The following SBF2 variants were observed in gnomAD, a reference collection of about 807,000 sequenced individuals.
The protein encoded by SBF2 is SET binding factor 2.
In SBF2, 112 loss-of-function variants were observed where a neutral mutation model predicts 225.2. The observed-to-expected ratio is 0.50, with a 90% CI of 0.43 to 0.58. SBF2 has a LOEUF of 0.58. Ranked by LOEUF, SBF2 falls within the 20% of genes least tolerant of loss-of-function variation. The pLI, the probability that SBF2 is intolerant of heterozygous loss-of-function variation, is 0.00. For missense variants in SBF2, 1,996 were observed against 2,206.2 expected (o/e 0.90, Z 1.91); for synonymous variants, 763 against 773.3 (o/e 0.99, Z 0.22).
chr11:9,859,545 G>C lies in SBF2; in HGVS notation c.1930-1149C>G, dbSNP rs1186657292. On this transcript the variant is annotated intron_variant, in intron 17 of 39. Coordinates refer to ENST00000256190, the MANE Select transcript of SBF2 (RefSeq NM_030962.4). ...GGCCCATTTTATTCTTTGGAATTGAGTTCATCTGTTTTCTGTGAGTAGAAC... is the reference window on the plus strand; with the variant it reads ...GGCCCATTTTATTCTTTGGAATTGACTTCATCTGTTTTCTGTGAGTAGAAC... Among the ~76,000 whole-genome samples the C allele has an allele frequency of 2.6e-5, 4 of 152,172 alleles. No homozygotes were observed. In the East Asian group the frequency reaches 7.7e-4, roughly 29 times the overall value.
At chr11:10,284,565 G>C (rs1312766445) in intron 1 of SBF2, among the ~76,000 whole-genome samples, 2 of 152,042 alleles carry the variant, frequency 1.3e-5, no homozygotes, top group African/African-American at 4.8e-5. Context: ...GTTTGTAAAA[G>C]AAATTTTTCA....
intron 17 of SBF2, among the ~76,000 whole-genome samples, chr11:9,875,834 A>G (rs1201221405): frequency 6.6e-6 from 1 of 152,236 alleles, no homozygotes; most frequent in South Asian, 2.1e-4. Flanking sequence ...GAAGCTGCAC[A>G]TCTGCTGGTG....
Position 10,174,824 on chromosome 11 carries a change from T to C in SBF2, c.141+19078A>G, listed in dbSNP as rs1262823732. Among the ~76,000 whole-genome samples the C allele has an allele frequency of 2.0e-4, 30 of 151,636 alleles. 1 individual carries two copies. In the East Asian group the frequency reaches 5.1e-3, roughly 26 times the overall value. Reference sequence around the variant, plus strand: ...TAACAGCGGATCTCTCGGCAGAAACTCTACAAGCCAGAAGACAGTGGGGGC... The same window carrying C: ...TAACAGCGGATCTCTCGGCAGAAACCCTACAAGCCAGAAGACAGTGGGGGC... On this transcript the variant is annotated intron_variant, in intron 2 of 39. Transcript: ENST00000256190.
intron 17 of SBF2, among the ~76,000 whole-genome samples, chr11:9,883,365 A>C (rs891192438): frequency 2.0e-5 from 3 of 152,116 alleles, no homozygotes; most frequent in Non-Finnish European, 2.9e-5. Context: ...ATTAAAATAA[A>C]TTTATACCCA....
chr11:9,958,827 C>A, intron 16 of SBF2: 1 of 589,950 alleles, frequency 1.7e-6, no homozygotes, highest in Non-Finnish European at 3.2e-6. Context: ...TCACAGTCGG[C>A]AGAGAGGCAA....
At chr11:10,217,547 C>T (rs767927328) in intron 1 of SBF2, among the ~76,000 whole-genome samples, 12 of 152,128 alleles carry the variant, frequency 7.9e-5, no homozygotes, top group Middle Eastern at 3.2e-3. Flanking sequence ...GACAACTTTA[C>T]GTAGTTTCTT....
chr11:10,157,447 A>G (rs1955531964), intron 2 of SBF2, among the ~76,000 whole-genome samples: 1 of 152,268 alleles, frequency 6.6e-6, no homozygotes, highest in Non-Finnish European at 1.5e-5. Context: ...GAGCTTCTGC[A>G]TAGCAAAGGT....
intron 1 of SBF2, among the ~76,000 whole-genome samples, chr11:10,259,478 T>G (rs1032316465): frequency 6.6e-6 from 1 of 152,094 alleles, no homozygotes; most frequent in African/African-American, 2.4e-5. Context: ...AGAACCTAAC[T>G]AAGAAAAAAG....
At chr11:10,198,381 T>A (rs1363002871) in intron 1 of SBF2, among the ~76,000 whole-genome samples, 1 of 152,208 alleles carries the variant, frequency 6.6e-6, no homozygotes, top group Non-Finnish European at 1.5e-5. Flanking sequence ...AATATTTTTA[T>A]GAGCAGTAGT....
chr11:10,166,339 G>C (rs1251343788), intron 2 of SBF2, among the ~76,000 whole-genome samples: 1 of 151,970 alleles, frequency 6.6e-6, no homozygotes, highest in African/African-American at 2.4e-5. Flanking sequence ...TTAAATGAAG[G>C]TCATACTCTA....
At chr11:10,124,920 C>T (rs1218580051) in intron 2 of SBF2, among the ~76,000 whole-genome samples, 3 of 151,974 alleles carry the variant, frequency 2.0e-5, no homozygotes, top group African/African-American at 7.3e-5. Flanking sequence ...GCCTGACCAA[C>T]ATGGCAAAAC....
At chr11:10,055,959 A>T (rs1471434617) in intron 2 of SBF2, among the ~76,000 whole-genome samples, 1 of 152,216 alleles carries the variant, frequency 6.6e-6, no homozygotes, top group East Asian at 1.9e-4. Context: ...AAGTAAATAT[A>T]AAAATTTCAA....
intron 14 of SBF2, among the ~76,000 whole-genome samples, chr11:9,965,304 T>C (rs1866831046): frequency 6.6e-6 from 1 of 150,822 alleles, no homozygotes; most frequent in South Asian, 2.1e-4. Flanking sequence ...AAACTTTTTT[T>C]TTTTTTTTTT....
intron 14 of SBF2, among the ~76,000 whole-genome samples, chr11:9,965,894 C>G (rs2134376581): frequency 6.6e-6 from 1 of 152,258 alleles, no homozygotes; most frequent in South Asian, 2.1e-4. Context: ...GCTTCCCACA[C>G]ACATAGGTTG....
intron 1 of SBF2, among the ~76,000 whole-genome samples, chr11:10,257,814 T>A (rs530322725): frequency 2.3e-4 from 34 of 150,820 alleles, no homozygotes; most frequent in Non-Finnish European, 4.1e-4. Flanking sequence ...CTGGGCAACA[T>A]GGTGAAACTC....
chr11:10,008,912 T>G (rs905890769), intron 6 of SBF2, among the ~76,000 whole-genome samples: 2 of 152,248 alleles, frequency 1.3e-5, no homozygotes, highest in Non-Finnish European at 1.5e-5. Flanking sequence ...CCTGGGCAAT[T>G]ATCCTCCAAA....
intron 1 of SBF2, among the ~76,000 whole-genome samples, chr11:10,235,015 T>C (rs1242496585): frequency 1.3e-5 from 2 of 152,212 alleles, no homozygotes; most frequent in Admixed American, 1.3e-4. Context: ...ACAGGGTTTC[T>C]TTCTGCCAAG....
intron 1 of SBF2, among the ~76,000 whole-genome samples, chr11:10,202,833 T>TC (rs1957616152): frequency 6.6e-6 from 1 of 152,098 alleles, no homozygotes; most frequent in Non-Finnish European, 1.5e-5. Flanking sequence ...GACTTCTACC[T>TC]CATCCAAGGT....
intron 28 of SBF2, among the ~76,000 whole-genome samples, chr11:9,824,519 C>T (rs1854955380): frequency 6.7e-6 from 1 of 149,994 alleles, no homozygotes. Flanking sequence ...ATCAAGATCG[C>T]TCCACTGCAC....
Sources: gnomAD v4.1 joint callset for allele counts (sites outside exome capture counted in the v4.1 genomes callset) on GRCh38, gnomAD v4.1.1 for gene constraint, MANE v1.5 for transcripts, NCBI Gene and HGNC (gene_info 2026-07-23, HGNC 2026-07-21) for gene names.